The following PTBP3 variants were observed in gnomAD, a reference collection of about 807,000 sequenced individuals.
PTBP3 encodes polypyrimidine tract-binding protein 3.
PTBP3 carries 20 observed loss-of-function variants against 58.7 expected under a neutral mutation model. The ratio of observed to expected loss-of-function variants is 0.34; its 90% CI spans 0.24 to 0.50. The LOEUF (loss-of-function observed/expected upper bound fraction) is 0.50. Among genes scored for constraint, PTBP3 ranks in the 20% least tolerant of loss-of-function variants. The probability of loss-of-function intolerance (pLI) is 0.98; values close to 1 mark genes in which losing one functional copy is unlikely to be tolerated. For missense variants in PTBP3, 509 were observed against 637.2 expected (o/e 0.80, Z 2.17); for synonymous variants, 185 against 219.8 (o/e 0.84, Z 1.40).
At position 112,220,625 on chromosome 9, in the gene PTBP3, T is replaced by C. The variant is rs1412409584; in HGVS notation, c.*3226A>G. On this transcript the variant is annotated 3_prime_UTR_variant, in exon 14 of 14. Coordinates refer to ENST00000374257, the MANE Select transcript of PTBP3 (RefSeq NM_001163788.4). The stretch of plus-strand genomic sequence containing the variant: ...TAGTCTTAAAGAATTTATGGCATTC[T>C]GTAAGAGCTGCTGGGTAATTCTGAT... 22 of 994,364 alleles carry C rather than the reference T, an allele frequency of 2.2e-5. No homozygotes were observed. Among genetic ancestry groups the C allele is most frequent in the Non-Finnish European group, 2.4e-5 (20 of 835,166 alleles). The allele number at this position is 994,364 out of a possible 1,614,324, so 61.6% of individuals were successfully genotyped here. A position where few individuals can be genotyped will look rare whatever the true frequency, so the allele number is the denominator to read the frequency against.
At chr9:112,331,720 T>C (rs752934521) in intron 1 of PTBP3, among the ~76,000 whole-genome samples, 3 of 152,258 alleles carry the variant, frequency 2.0e-5, no homozygotes, top group Admixed American at 6.5e-5. Context: ...AGTATCTGTA[T>C]AACTGCCTTG....
At chr9:112,273,807 T>C (rs1827490787) in intron 3 of PTBP3, among the ~76,000 whole-genome samples, 1 of 152,200 alleles carries the variant, frequency 6.6e-6, no homozygotes, top group Non-Finnish European at 1.5e-5. Flanking sequence ...ACTCAACAAG[T>C]AGATCTAGTG....
intron 1 of PTBP3, among the ~76,000 whole-genome samples, chr9:112,309,680 C>A (rs967494479): frequency 6.6e-6 from 1 of 151,554 alleles, no homozygotes. Flanking sequence ...CCCAGCTACT[C>A]GAGTAGCTGA....
chr9:112,221,280 T>TTCAC lies in PTBP3; in HGVS notation c.*2567_*2570dup. 1 of 983,354 alleles carries TTCAC rather than the reference T, an allele frequency of 1.0e-6. No individual in the cohort carries two copies. Among genetic ancestry groups the TTCAC allele is most frequent in the Non-Finnish European group, 1.2e-6 (1 of 827,996 alleles). The allele number at this position is 983,354 out of a possible 1,614,324, so 60.9% of individuals were successfully genotyped here. Reference sequence around the variant, plus strand: ...ATACACTTATCTACACACACACACATTCACACACACACACAAACACACCCC... The same window carrying TTCAC: ...ATACACTTATCTACACACACACACATTCACTCACACACACACACAAACACACCCC... On this transcript the variant is annotated 3_prime_UTR_variant, in exon 14 of 14. Transcript: ENST00000374257.
At chr9:112,218,187 G>A (rs1834686794), downstream of PTBP3, 1 of 152,200 alleles carries the variant, frequency 6.6e-6, no homozygotes, top group South Asian at 2.1e-4. Context: ...TGCCAGAGAA[G>A]GTGCATCATA....
chr9:112,256,454 A>T (rs1223771581), intron 5 of PTBP3, among the ~76,000 whole-genome samples: 2 of 151,864 alleles, frequency 1.3e-5, no homozygotes, highest in African/African-American at 2.4e-5. Context: ...GACATGTAAG[A>T]GATATAGACT....
At position 112,221,257 on chromosome 9, in the gene PTBP3, A is replaced by G; in HGVS notation, c.*2594T>C. 1.0e-6 allele frequency: 1 copy of G among 985,218 alleles called. No homozygotes were observed. The highest frequency in any genetic ancestry group is 1.2e-6 in the Non-Finnish European group (1 of 829,378). 61.0% of individuals were successfully genotyped at this position (985,218 alleles called of 1,614,324 possible). ...TTTAGAAGAGTGTATTTATGTATAT[A>G]CACTTATCTACACACACACACATTC... is the stretch of plus-strand genomic sequence containing the variant. On this transcript the variant is annotated 3_prime_UTR_variant, in exon 14 of 14. Transcript: ENST00000374257.
At chr9:112,338,281 A>G (rs1358448330), upstream of PTBP3, among the ~76,000 whole-genome samples, 2 of 152,228 alleles carry the variant, frequency 1.3e-5, no homozygotes, top group Non-Finnish European at 2.9e-5. Context: ...AAATCTACAC[A>G]TGATAAAATT....
At chr9:112,265,904 G>A (rs545731243) in intron 4 of PTBP3, among the ~76,000 whole-genome samples, 1 of 152,200 alleles carries the variant, frequency 6.6e-6, no homozygotes, top group Admixed American at 6.5e-5. Context: ...ATTCCTAATA[G>A]AAATAAGAAC....
chr9:112,338,855 G>T, the PTBP3 span, among the ~76,000 whole-genome samples: 1 of 152,114 alleles, frequency 6.6e-6, no homozygotes, highest in Non-Finnish European at 1.5e-5. Flanking sequence ...TCTTAATATG[G>T]CCAGTGCCTG....
chr9:112,326,973 T>C (rs766585691), intron 1 of PTBP3, among the ~76,000 whole-genome samples: 9 of 152,272 alleles, frequency 5.9e-5, no homozygotes, highest in Non-Finnish European at 1.0e-4. Context: ...ATCCTAGCAC[T>C]TTAGGAGGCT....
At position 112,232,025 on chromosome 9, in the gene PTBP3, AAAAG is replaced by A. The variant is rs6151125; in HGVS notation, c.1020+70_1020+73del. The A allele has an allele frequency of 2.4e-4, 68 of 288,236 alleles. 2 individuals carry two copies. The highest frequency in any genetic ancestry group is 1.8e-3 in the Middle Eastern group (2 of 1,104). The allele number at this position is 288,236 out of a possible 1,614,324, so 17.9% of individuals were successfully genotyped here. ...AGAAGAGAAGAGAAGAGAAGAAAAG[AAAAG>A]AAAGAAAGAAAAAAGTGCTACTATA... On this transcript the variant is annotated intron_variant, in intron 9 of 13. Transcript: ENST00000374257.
chr9:112,276,706 C>G (rs1827627111), intron 2 of PTBP3, among the ~76,000 whole-genome samples: 1 of 151,998 alleles, frequency 6.6e-6, no homozygotes, highest in Admixed American at 6.6e-5. Context: ...CCAGGAGATT[C>G]TATTTACCCT....
intron 2 of PTBP3, among the ~76,000 whole-genome samples, chr9:112,292,366 G>A (rs1277948082): frequency 6.6e-6 from 1 of 152,188 alleles, no homozygotes; most frequent in Non-Finnish European, 1.5e-5. Flanking sequence ...AACACAGTAT[G>A]ATGGTTCCTC....
In PTBP3 at chr9:112,221,499, T is replaced by A; in HGVS notation, c.*2352A>T. 1.1e-5 allele frequency: 11 copies of A among 985,382 alleles called. No homozygotes were observed. The highest frequency in any genetic ancestry group is 1.3e-5 in the Non-Finnish European group (11 of 829,610). The allele number at this position is 985,382 out of a possible 1,614,324, so 61.0% of individuals were successfully genotyped here. Reference sequence around the variant, plus strand: ...TCCTAACTTAAAGTAAATGAAATAATCCAATTTAACATGGCACTGAAAATT... The same window carrying A: ...TCCTAACTTAAAGTAAATGAAATAAACCAATTTAACATGGCACTGAAAATT... On this transcript the variant is annotated 3_prime_UTR_variant, in exon 14 of 14. Coordinates refer to ENST00000374257, the MANE Select transcript of PTBP3 (RefSeq NM_001163788.4).
chr9:112,364,177 C>CTTTTTTTT, the PTBP3 span, among the ~76,000 whole-genome samples: 14 of 73,534 alleles, frequency 1.9e-4, no homozygotes, highest in African/African-American at 5.6e-4. Flanking sequence ...TAGGTCAGTT[C>CTTTTTTTT]TTTTTTTTTT....
intron 4 of PTBP3, among the ~76,000 whole-genome samples, chr9:112,267,631 T>A (rs1827151510): frequency 6.6e-6 from 1 of 152,300 alleles, no homozygotes; most frequent in South Asian, 2.1e-4. Flanking sequence ...TTCACATTCA[T>A]CTTGAGGAGT....
At chr9:112,250,011 G>C (rs1160364750) in intron 7 of PTBP3, among the ~76,000 whole-genome samples, 1 of 151,514 alleles carries the variant, frequency 6.6e-6, no homozygotes, top group East Asian at 1.9e-4. Context: ...TCATTCCCTT[G>C]GCTTTTTAAA....
chr9:112,256,603 T>A (rs1425787121), intron 5 of PTBP3, among the ~76,000 whole-genome samples: 1 of 152,040 alleles, frequency 6.6e-6, no homozygotes, highest in Non-Finnish European at 1.5e-5. Context: ...CCATCATAGT[T>A]CACTATAACC....
Sources: gnomAD v4.1 joint callset for allele counts (sites outside exome capture counted in the v4.1 genomes callset) on GRCh38, gnomAD v4.1.1 for gene constraint, MANE v1.5 for transcripts, NCBI Gene and HGNC (gene_info 2026-07-23, HGNC 2026-07-21) for gene names.